Variants in DAG1 observed in about 807,000 individuals in gnomAD.
DAG1 encodes the protein dystroglycan 1, also known as dystroglycan 1 (dystrophin-associated glycoprotein 1).
DAG1 carries 8 observed loss-of-function variants against 46.1 expected under a neutral mutation model. The ratio of observed to expected loss-of-function variants is 0.17; its 90% CI spans 0.10 to 0.31. DAG1 has a LOEUF of 0.31. Among genes scored for constraint, DAG1 ranks in the 10% least tolerant of loss-of-function variants. The pLI is 1.00. For synonymous variants in DAG1, 495 were observed against 481.8 expected (o/e 1.03, Z -0.36); for missense variants, 1,003 against 1,189.9 (o/e 0.84, Z 2.31).
At chr3:49,528,198 T>G (rs1351074563) in intron 2 of DAG1, among the ~76,000 whole-genome samples, 4 of 151,664 alleles carry the variant, frequency 2.6e-5, no homozygotes, top group Non-Finnish European at 5.9e-5. Flanking sequence ...TATACGGATG[T>G]GGCAGTTTTA....
intron 1 of DAG1, among the ~76,000 whole-genome samples, chr3:49,498,316 C>T (rs1442511189): frequency 5.9e-5 from 9 of 152,162 alleles, no homozygotes; most frequent in Non-Finnish European, 8.8e-5. Context: ...TGAATCTTCA[C>T]CAGTCACTTG....
At chr3:49,521,904 C>T (rs1476391561) in intron 2 of DAG1, among the ~76,000 whole-genome samples, 8 of 151,924 alleles carry the variant, frequency 5.3e-5, no homozygotes, top group East Asian at 3.9e-4. Flanking sequence ...GGCTGGAGTG[C>T]GGTGGCACGA....
intron 2 of DAG1, among the ~76,000 whole-genome samples, chr3:49,518,396 A>G (rs2050948841): frequency 6.6e-6 from 1 of 151,972 alleles, no homozygotes; most frequent in African/African-American, 2.4e-5. Flanking sequence ...ACTGCCTGAA[A>G]AGCCTGGCCT....
At position 49,532,267 on chromosome 3, in the gene DAG1, T is replaced by C. The variant is rs772951856; in HGVS notation, c.1756T>C (p.Ser586Pro). The C allele has an allele frequency of 1.9e-6, 3 of 1,613,988 alleles. No individual in the cohort carries two copies. In the Admixed American group the frequency reaches 5.0e-5, roughly 27 times the overall value. Residue 586 changes from serine (S) to proline (P), a missense_variant, in exon 3 of 3, where the codon TCG (serine) becomes CCG (proline). Around this residue, in one of 3 missense-constraint regions of DAG1, gnomAD observed 755 missense variants for 854.1 expected, o/e 0.88. Transcript: ENST00000308775. This position sits in a 1 kb window ranked among gnomAD's most constrained non-coding sequence, Gnocchi z 5.4. ...GCATGCCACAGACAAGGGGGGCCTGTCGGCTGTGGATGCCTTCGAGATCCA... is the reference window on the plus strand; with the variant it reads ...GCATGCCACAGACAAGGGGGGCCTGCCGGCTGTGGATGCCTTCGAGATCCA... ...FMHATDKGGL[S>P]AVDAFEIHVH...
At chr3:49,516,733 T>A (rs1302637351) in intron 2 of DAG1, among the ~76,000 whole-genome samples, 1 of 152,214 alleles carries the variant, frequency 6.6e-6, no homozygotes, top group Non-Finnish European at 1.5e-5. Flanking sequence ...GATAAGATGC[T>A]CCAGGCCTGT....
intron 1 of DAG1, among the ~76,000 whole-genome samples, chr3:49,505,279 G>A (rs1022418897): frequency 2.6e-5 from 4 of 151,776 alleles, no homozygotes; most frequent in African/African-American, 7.3e-5. Context: ...ACTGCACCCC[G>A]CCCTTATTTT....
In DAG1 at chr3:49,501,673, C is replaced by T. The variant is rs77751417; in HGVS notation, c.-116-8746C>T. On this transcript the variant is annotated intron_variant, in intron 1 of 2. Coordinates refer to ENST00000308775, the MANE Select transcript of DAG1 (RefSeq NM_004393.6). ...CTAAAAAATACAAAAATTAGCCAAG[C>T]GTGGTGGCAGGTGCTTGTAGTCCCA... Among the ~76,000 whole-genome samples the T allele has an allele frequency of 9.2e-4, 140 of 152,110 alleles. 2 individuals carry two copies. The East Asian group carries it at 0.021, about 23-fold the overall frequency.
chr3:49,473,817 C>A lies in DAG1; in HGVS notation c.-117+3384C>A, dbSNP rs143792563. Reference sequence around the variant, plus strand: ...CAGCCTAATCTTGAACTCTTGATCTCAGGTGATCCGCCCGCGTCAGCCTCC... The same window carrying A: ...CAGCCTAATCTTGAACTCTTGATCTAAGGTGATCCGCCCGCGTCAGCCTCC... On this transcript the variant is annotated intron_variant, in intron 1 of 2. Coordinates refer to ENST00000308775, the MANE Select transcript of DAG1 (RefSeq NM_004393.6). Among the ~76,000 whole-genome samples the A allele has an allele frequency of 9.4e-3, 1,427 of 151,646 alleles. 28 individuals are homozygous for A. Among genetic ancestry groups the A allele is most frequent in the African/African-American group, 0.031 (1,287 of 41,360 alleles).
At chr3:49,500,212 C>T (rs976517449) in intron 1 of DAG1, among the ~76,000 whole-genome samples, 2 of 152,096 alleles carry the variant, frequency 1.3e-5, no homozygotes, top group African/African-American at 4.8e-5. Flanking sequence ...GGGGTTTCAC[C>T]ATGTTGGCCG....
chr3:49,480,042 C>T (rs1392431246), intron 1 of DAG1, among the ~76,000 whole-genome samples: 11 of 135,220 alleles, frequency 8.1e-5, no homozygotes, highest in East Asian at 2.2e-4. Context: ...CTCTGCCTCC[C>T]GGGTTCAATC....
At position 49,530,883 on chromosome 3, in the gene DAG1, T is replaced by C. The variant is rs555051245; in HGVS notation, c.372T>C (p.Thr124=). The change falls in exon 3 of 3, where the codon ACT becomes ACC. Residue 124 remains threonine (T), a synonymous_variant. Transcript: ENST00000308775. The stretch of plus-strand genomic sequence containing the variant: ...CCCTGGAGGGCCTCCCCCTTGACAC[T>C]GATAAGGGTGTGCATTACATTTCAG... ...SHTLEGLPLD[T]DKGVHYISVS... The C allele has an allele frequency of 3.1e-6, 5 of 1,614,000 alleles. No individual in the cohort carries two copies. The highest frequency in any genetic ancestry group is 3.3e-5 in the Admixed American group (2 of 59,988).
Position 49,535,240 on chromosome 3 carries a change from TAAAC to T in DAG1, c.*2044_*2047del, listed in dbSNP as rs1458950876. 1 of 152,482 alleles carries T rather than the reference TAAAC, an allele frequency of 6.6e-6. No individual in the cohort carries two copies. Among genetic ancestry groups the T allele is most frequent in the African/African-American group, 2.4e-5 (1 of 41,448 alleles). The allele number at this position is 152,482 out of a possible 1,614,324, so 9.4% of individuals were successfully genotyped here. On this transcript the variant is annotated 3_prime_UTR_variant, in exon 3 of 3. Transcript: ENST00000308775. ...TATTTCTGATGACCTCATCAAAAAA[TAAAC>T]AATTCCCAATGTTCCAGGTGAGGGC...
chr3:49,527,397 G>A (rs554662359), intron 2 of DAG1, among the ~76,000 whole-genome samples: 6 of 152,280 alleles, frequency 3.9e-5, no homozygotes, highest in South Asian at 2.1e-4. Flanking sequence ...GGTGGCGGGC[G>A]CCTGTAGTCC....
At chr3:49,503,277 A>G (rs1470187631) in intron 1 of DAG1, among the ~76,000 whole-genome samples, 1 of 152,038 alleles carries the variant, frequency 6.6e-6, no homozygotes, top group Non-Finnish European at 1.5e-5. Flanking sequence ...TGGTGTGGAA[A>G]GGTTTTTGCT....
chr3:49,469,864 C>T (rs975118474), upstream of DAG1, among the ~76,000 whole-genome samples: 1 of 152,232 alleles, frequency 6.6e-6, no homozygotes, highest in Non-Finnish European at 1.5e-5. Context: ...AGTTCGCAGT[C>T]CTGACTGTCC....
At position 49,532,101 on chromosome 3, in the gene DAG1, CACT is replaced by C. The variant is rs1553653146; in HGVS notation, c.1591_1593del (p.Thr531del). ...CTTTCTATGACCATGAGGACACCAC[CACT>C]GACAAGCTGAAGCTGACCCTGAAAC... On this transcript the variant is annotated inframe_deletion, in exon 3 of 3. Transcript: ENST00000308775. This position sits in a 1 kb window ranked among gnomAD's most constrained non-coding sequence, Gnocchi z 5.4. 6.2e-7 allele frequency: 1 copy of C among 1,614,206 alleles called. No individual in the cohort carries two copies. Among genetic ancestry groups the C allele is most frequent in the Non-Finnish European group, 8.5e-7 (1 of 1,180,032 alleles).
chr3:49,482,117 T>G (rs1490973126), intron 1 of DAG1, among the ~76,000 whole-genome samples: 2 of 152,194 alleles, frequency 1.3e-5, no homozygotes, highest in Non-Finnish European at 2.9e-5. Context: ...ACGTGCCTTG[T>G]TAACAAAATG....
At chr3:49,491,765 C>G (rs1467349566) in intron 1 of DAG1, among the ~76,000 whole-genome samples, 1 of 152,140 alleles carries the variant, frequency 6.6e-6, no homozygotes, top group African/African-American at 2.4e-5. Context: ...CGTGAGCCAC[C>G]GCGCCCGGCC....
chr3:49,530,532 G>A (rs189864274), intron 2 of DAG1, among the ~76,000 whole-genome samples: 2 of 152,308 alleles, frequency 1.3e-5, no homozygotes, highest in African/African-American at 4.8e-5. Flanking sequence ...AATGAGACAT[G>A]TGCTTGAGTG....
Sources: allele counts gnomAD v4.1 joint callset (sites outside exome capture counted in the v4.1 genomes callset), GRCh38; gene constraint gnomAD v4.1.1; regional missense constraint gnomAD v4.1.1; non-coding constraint Gnocchi (gnomAD v3.1); transcripts MANE v1.5; gene names NCBI Gene and HGNC (gene_info 2026-07-23, HGNC 2026-07-21).